Variants in EPPIN observed in about 807,000 individuals in gnomAD.
EPPIN encodes the protein WAP four-disulfide core domain protein 7.
EPPIN carries 14 observed loss-of-function variants against 18.8 expected under a neutral mutation model. The ratio of observed to expected loss-of-function variants is 0.75; its 90% CI spans 0.49 to 1.17. EPPIN has a LOEUF of 1.17. EPPIN is among the 50% of genes most tolerant of loss of function. The pLI is 0.00. For missense variants in EPPIN, 143 were observed against 154.2 expected (o/e 0.93, Z 0.39); for synonymous variants, 57 against 54.8 (o/e 1.04, Z -0.18).
At chr20:45,542,204 T>A (rs762368469) in intron 3 of EPPIN, 50 bp from the exon 4 acceptor site, 2 of 1,609,876 alleles carry the variant, frequency 1.2e-6, no homozygotes, top group South Asian at 1.1e-5. Context: ...GTTCAGCTCA[T>A]CTTTGGAGCT....
chr20:45,543,092 T>A, intron 2 of EPPIN: 1 of 668,154 alleles, frequency 1.5e-6, no homozygotes, highest in Non-Finnish European at 2.3e-6. Context: ...TGTAATTAGC[T>A]AAAATGAGGT....
intron 2 of EPPIN, chr20:45,543,600 G>A (rs991110582): frequency 3.3e-5 from 5 of 152,182 alleles, no homozygotes; most frequent in African/African-American, 1.2e-4. Context: ...GGACTGTTGA[G>A]GTGACCTCAG....
In EPPIN at chr20:45,546,208, G is replaced by A. The variant is rs75681320; in HGVS notation, c.92-438C>T. ...AATCACACCATTGTGGGCCACTGAT[G>A]TAAGCCAATGCGGTCTTTTTGGCCT... On this transcript the variant is annotated intron_variant, in intron 1 of 3. Coordinates refer to ENST00000354280, the MANE Select transcript of EPPIN (RefSeq NM_020398.4). 1,786 of 208,904 alleles carry A rather than the reference G, an allele frequency of 8.5e-3. 15 individuals are homozygous for A. The highest frequency in any genetic ancestry group is 0.026 in the South Asian group (140 of 5,452). The allele number at this position is 208,904 out of a possible 1,614,324, so 12.9% of individuals were successfully genotyped here. A position where few individuals can be genotyped will look rare whatever the true frequency, so the allele number is the denominator to read the frequency against.
chr20:45,542,359 G>A, intron 3 of EPPIN: 1 of 701,498 alleles, frequency 1.4e-6, no homozygotes, highest in Middle Eastern at 2.5e-4. Context: ...TGGCTTAGAA[G>A]GGTTGGTTGG....
intron 3 of EPPIN, 31 bp from the exon 4 acceptor site, chr20:45,542,185 G>A: frequency 6.2e-7 from 1 of 1,612,962 alleles, no homozygotes; most frequent in Non-Finnish European, 8.5e-7. Context: ...AAACAGCTGA[G>A]CATCTTGGGT....
intron 3 of EPPIN, 143 bp from the exon 4 acceptor site, chr20:45,542,297 G>C (rs1346486529): frequency 1.9e-6 from 2 of 1,078,544 alleles, no homozygotes; most frequent in Admixed American, 2.6e-5. Flanking sequence ...TCTCCTTCAA[G>C]GAAAAACAAA....
chr20:45,545,611 T>G, intron 2 of EPPIN, 28 bp downstream of exon 2: 1 of 1,613,188 alleles, frequency 6.2e-7, no homozygotes, highest in East Asian at 2.2e-5. Context: ...GGAGGAGGGG[T>G]TGGTTATTCT....
chr20:45,542,277 G>T, intron 3 of EPPIN, 123 bp from the exon 4 acceptor site: 2 of 1,307,472 alleles, frequency 1.5e-6, no homozygotes, highest in Non-Finnish European at 2.1e-6. Context: ...TTGCTTTGGG[G>T]AGCTCTCCAT....
chr20:45,542,658 T>C, intron 3 of EPPIN, 42 bp downstream of exon 3: 1 of 1,591,480 alleles, frequency 6.3e-7, no homozygotes, highest in South Asian at 1.2e-5. Context: ...CCTCCCGGCA[T>C]GGGACTGGAG....
intron 3 of EPPIN, 82 bp downstream of exon 3, chr20:45,542,618 T>C: frequency 6.5e-7 from 1 of 1,531,620 alleles, no homozygotes; most frequent in African/African-American, 1.4e-5. Context: ...AAGATGTAGC[T>C]GTCCTGGAAT....
At chr20:45,545,526 G>C (rs777697579) in intron 2 of EPPIN, 113 bp downstream of exon 2, 1 of 1,566,772 alleles carries the variant, frequency 6.4e-7, no homozygotes, top group East Asian at 2.3e-5. Context: ...CCCAAGTCCA[G>C]CAGTTTTGCC....
chr20:45,545,755 A>G lies in EPPIN; in HGVS notation c.107T>C (p.Ile36Thr). The G allele has an allele frequency of 6.2e-7, 1 of 1,613,894 alleles. No individual in the cohort carries two copies. Among genetic ancestry groups the G allele is most frequent in the Non-Finnish European group, 8.5e-7 (1 of 1,179,898 alleles). ...TTCTTGGAATTCACATTCTTCTCTG[A>G]TTTTGGGACATCTCCCTAGGGAAAG... Reference protein sequence around the residue: ...DWLFPRRCPKIREECEFQERD... With the variant: ...DWLFPRRCPKTREECEFQERD... The change falls in exon 2 of 4, where the codon ATC (isoleucine) becomes ACC (threonine). Residue 36 changes from isoleucine to threonine, a missense_variant. Coordinates refer to ENST00000354280, the MANE Select transcript of EPPIN (RefSeq NM_020398.4).
chr20:45,542,507 T>A (rs6017605), intron 3 of EPPIN, 193 bp downstream of exon 3: 17,783 of 791,558 alleles, frequency 0.022, 851 homozygotes, highest in African/African-American at 0.13. Flanking sequence ...TCCCTTCTCA[T>A]CCTCAGTTCC....
chr20:45,544,881 C>T (rs1979755514), intron 2 of EPPIN: 1 of 152,170 alleles, frequency 6.6e-6, no homozygotes, highest in Non-Finnish European at 1.5e-5. Context: ...CGTGCTCACT[C>T]TGCGTTCTGG....
intron 1 of EPPIN, chr20:45,546,012 C>T: frequency 1.9e-6 from 1 of 539,894 alleles, no homozygotes; most frequent in Non-Finnish European, 3.2e-6. Flanking sequence ...GGCAGAATTT[C>T]TCAACCACTG....
rs771216018 is a variant in EPPIN at position 45,542,723 on chromosome 20, C to A, written c.368G>T (p.Cys123Phe). The change falls in exon 3 of 4, where the codon TGC becomes TTC. Residue 123 changes from cysteine to phenylalanine, a missense_variant. Transcript: ENST00000354280. ...NNNNFQSKAN[C>F]LNTCKNKRFP ...ACGTTTATTCTTGCAGGTGTTCAGG[C>A]AGTTGGCTTTGGATTGGAAGTTGTT... The A allele has an allele frequency of 5.0e-6, 8 of 1,613,878 alleles. No homozygotes were observed. In the South Asian group the frequency reaches 8.8e-5, roughly 18 times the overall value.
intron 2 of EPPIN, 47 bp from the exon 3 acceptor site, chr20:45,542,914 A>C (rs372011356): frequency 1.3e-6 from 2 of 1,567,658 alleles, no homozygotes; most frequent in Non-Finnish European, 1.7e-6. Flanking sequence ...CCACTCCAGA[A>C]ATAAACAGTT....
chr20:45,545,068 G>A (rs1979767527), intron 2 of EPPIN: 1 of 152,270 alleles, frequency 6.6e-6, no homozygotes. Flanking sequence ...TCCTATTGTG[G>A]GTCTCAGAGG....
chr20:45,542,261 GTGGGT>G (rs1979626966), intron 3 of EPPIN, 107 bp from the exon 4 acceptor site: 1 of 1,482,942 alleles, frequency 6.7e-7, no homozygotes, highest in African/African-American at 1.4e-5. Flanking sequence ...CTAAAAAGTA[GTGGGT>G]TTGCTTTGGG....
Sources: allele counts gnomAD v4.1 joint callset, GRCh38; gene constraint gnomAD v4.1.1; transcripts MANE v1.5; gene names NCBI Gene and HGNC (gene_info 2026-07-23, HGNC 2026-07-21).